Variants in GABPB2 observed in about 807,000 individuals in gnomAD.
GABPB2 encodes the protein GA binding protein transcription factor subunit beta 2.
A neutral mutation model predicts 39.1 loss-of-function variants in GABPB2; 23 were observed. That is an observed-to-expected ratio of 0.59 (90% confidence interval 0.42 to 0.83). The LOEUF is 0.83. Among genes scored for constraint, GABPB2 ranks in the 40% least tolerant of loss-of-function variants. The pLI, the probability that GABPB2 is intolerant of heterozygous loss-of-function variation, is 0.00. For synonymous variants in GABPB2, 184 were observed against 199.3 expected (o/e 0.92, Z 0.65); for missense variants, 467 against 541.1 (o/e 0.86, Z 1.36).
intron 1 of GABPB2, 42 bp from the exon 2 acceptor site, chr1:151,088,148 C>T (rs764814244): frequency 7.9e-6 from 11 of 1,393,196 alleles, no homozygotes; most frequent in South Asian, 2.3e-5. Flanking sequence ...TCCTTATGTT[C>T]GAGTTATAGC....
chr1:151,106,920 C>CT (rs1487298219), intron 6 of GABPB2, 117 bp from the exon 7 acceptor site: 7,956 of 572,396 alleles, frequency 0.014, 4 homozygotes, highest in South Asian at 0.018. Flanking sequence ...TTGAATCTCA[C>CT]TTTTTTTTTT....
Position 151,117,525 on chromosome 1 carries a change from T to G in GABPB2, c.1047+9T>G, listed in dbSNP as rs77696778. 6.4e-3 allele frequency: 10,353 copies of G among 1,612,248 alleles called. 515 individuals are homozygous for G. The African/African-American group carries it at 0.11, about 18-fold the overall frequency. On this transcript the variant is annotated intron_variant, in intron 8 of 8. Coordinates refer to ENST00000368918, the MANE Select transcript of GABPB2 (RefSeq NM_144618.3). Reference sequence around the variant, plus strand: ...GTGTGGAGGAAAGCAAGGTAATGTTTTTAGGAGTGATGAAAAGAATTTAAA... The same window carrying G: ...GTGTGGAGGAAAGCAAGGTAATGTTGTTAGGAGTGATGAAAAGAATTTAAA...
chr1:151,075,915 A>T (rs1001276047), intron 1 of GABPB2, among the ~76,000 whole-genome samples: 1 of 152,082 alleles, frequency 6.6e-6, no homozygotes, highest in African/African-American at 2.4e-5. Flanking sequence ...AGAAATAAAG[A>T]TCCATCTTCT....
At chr1:151,089,770 A>G (rs587746333) in intron 2 of GABPB2, among the ~76,000 whole-genome samples, 17 of 152,076 alleles carry the variant, frequency 1.1e-4, no homozygotes, top group Admixed American at 4.6e-4. Flanking sequence ...GATTGCAGGC[A>G]TGAGCCACCA....
At chr1:151,090,613 G>C (rs372788530) in intron 3 of GABPB2, 40 bp downstream of exon 3, 10 of 1,590,178 alleles carry the variant, frequency 6.3e-6, no homozygotes, top group Middle Eastern at 1.7e-4. Flanking sequence ...TGTTAAAAAG[G>C]CATCCACTTT....
Position 151,093,590 on chromosome 1 carries a change from ATATATTTTT to A in GABPB2, c.471+219_471+227del, listed in dbSNP as rs587697621. On this transcript the variant is annotated intron_variant, in intron 4 of 8. Coordinates refer to ENST00000368918, the MANE Select transcript of GABPB2 (RefSeq NM_144618.3). ...TTTGTGTGTATATATGTATACGCAT[ATATATTTTT>A]TATATTTTTTATATATATTTTTTAA... Among the ~76,000 whole-genome samples, 229 of 149,506 alleles carry A rather than the reference ATATATTTTT, an allele frequency of 1.5e-3. 1 individual carries two copies. Among genetic ancestry groups the A allele is most frequent in the African/African-American group, 4.5e-3 (184 of 41,114 alleles).
At chr1:151,083,495 G>A (rs1196010715) in intron 1 of GABPB2, among the ~76,000 whole-genome samples, 8 of 152,100 alleles carry the variant, frequency 5.3e-5, no homozygotes, top group South Asian at 2.1e-4. Flanking sequence ...TTAGCTGGAC[G>A]TGGTGGCACA....
chr1:151,100,300 A>G (rs587653780), intron 5 of GABPB2, among the ~76,000 whole-genome samples: 6 of 151,992 alleles, frequency 3.9e-5, no homozygotes, highest in African/African-American at 1.4e-4. Context: ...GCCTGCCACC[A>G]TGCCTGGCTA....
chr1:151,105,670 C>T (rs942422450), intron 6 of GABPB2, among the ~76,000 whole-genome samples: 9 of 151,840 alleles, frequency 5.9e-5, no homozygotes, highest in Admixed American at 4.6e-4. Context: ...CATGCCACCA[C>T]GCTCAATTAA....
intron 7 of GABPB2, among the ~76,000 whole-genome samples, chr1:151,115,188 C>G (rs916108590): frequency 2.6e-5 from 4 of 151,698 alleles, no homozygotes; most frequent in African/African-American, 9.7e-5. Context: ...TGGAGAAACC[C>G]CATCTCTACT....
chr1:151,092,596 T>TTC (rs1165330201), intron 3 of GABPB2, among the ~76,000 whole-genome samples: 1 of 149,816 alleles, frequency 6.7e-6, no homozygotes, highest in East Asian at 2.0e-4. Context: ...GGTTTTTGTT[T>TTC]TTTTTTTTTG....
In GABPB2 at chr1:151,091,482, A is replaced by C. The variant is rs1422777449; in HGVS notation, c.276+909A>C. On this transcript the variant is annotated intron_variant, in intron 3 of 8. Transcript: ENST00000368918. ...CTGTGTCTCAAAAAAAAAAAAAAAAAAAAAAAAAAAAAGATGAAGTCTCGC... is the reference window on the plus strand; with the variant it reads ...CTGTGTCTCAAAAAAAAAAAAAAAACAAAAAAAAAAAAGATGAAGTCTCGC... Among the ~76,000 whole-genome samples, 227 of 149,494 alleles carry C rather than the reference A, an allele frequency of 1.5e-3. 4 individuals carry two copies. The highest frequency in any genetic ancestry group is 2.3e-3 in the South Asian group (11 of 4,748).
chr1:151,072,743 A>T (rs1302518695), intron 1 of GABPB2, among the ~76,000 whole-genome samples: 1 of 152,198 alleles, frequency 6.6e-6, no homozygotes, highest in African/African-American at 2.4e-5. Flanking sequence ...GCTACCCAGG[A>T]GGCTGAGGCA....
intron 5 of GABPB2, 46 bp from the exon 6 acceptor site, chr1:151,103,516 A>AT (rs1679702647): frequency 2.3e-6 from 3 of 1,325,744 alleles, no homozygotes; most frequent in Non-Finnish European, 3.2e-6. Context: ...ATTTGCCTCA[A>AT]TTTTTTCTCT....
intron 1 of GABPB2, among the ~76,000 whole-genome samples, chr1:151,075,072 G>T (rs1337063075): frequency 6.6e-6 from 1 of 152,128 alleles, no homozygotes; most frequent in East Asian, 1.9e-4. Context: ...AGCATTAGAG[G>T]CAGAGGTTGT....
chr1:151,108,164 G>GT (rs951728560), intron 7 of GABPB2, among the ~76,000 whole-genome samples: 1 of 151,998 alleles, frequency 6.6e-6, no homozygotes, highest in Non-Finnish European at 1.5e-5. Context: ...GTACCTTTGG[G>GT]TTTTTTTGTT....
At chr1:151,105,258 A>G (rs1377759132) in intron 6 of GABPB2, among the ~76,000 whole-genome samples, 2 of 151,882 alleles carry the variant, frequency 1.3e-5, no homozygotes, top group African/African-American at 4.8e-5. Context: ...ATTTCCTCTA[A>G]TAGTGCTTAG....
chr1:151,074,436 G>A (rs1298281722), intron 1 of GABPB2, among the ~76,000 whole-genome samples: 2 of 149,044 alleles, frequency 1.3e-5, no homozygotes, highest in African/African-American at 5.0e-5. Context: ...TCAGCCTCTC[G>A]AATAGCTGGG....
chr1:151,116,415 A>AC (rs1329685284), intron 7 of GABPB2, among the ~76,000 whole-genome samples: 3 of 151,574 alleles, frequency 2.0e-5, no homozygotes, highest in African/African-American at 7.3e-5. Flanking sequence ...AAAAAAAAAA[A>AC]AACAACTTTT....
Sources: allele counts gnomAD v4.1 joint callset (sites outside exome capture counted in the v4.1 genomes callset), GRCh38; gene constraint gnomAD v4.1.1; transcripts MANE v1.5; gene names NCBI Gene and HGNC (gene_info 2026-07-23, HGNC 2026-07-21).